The following DLG2 variants were observed in gnomAD, a reference collection of about 807,000 sequenced individuals.
The protein encoded by DLG2 is discs large MAGUK scaffold protein 2.
DLG2 carries 45 observed loss-of-function variants against 132.5 expected under a neutral mutation model. The observed-to-expected ratio is 0.34, with a 90% CI of 0.27 to 0.44. The LOEUF (loss-of-function observed/expected upper bound fraction) is 0.44, where lower values mean the gene tolerates loss of function less well. Ranked by LOEUF, DLG2 falls within the 20% of genes least tolerant of loss-of-function variation. The pLI is 1.00. For missense variants in DLG2, 1,045 were observed against 1,196.9 expected (o/e 0.87, Z 1.87); for synonymous variants, 424 against 419.6 (o/e 1.01, Z -0.13).
At chr11:85,422,593 T>A (rs1212087635) in intron 3 of DLG2, among the ~76,000 whole-genome samples, 2 of 152,024 alleles carry the variant, frequency 1.3e-5, no homozygotes, top group Non-Finnish European at 2.9e-5. Context: ...TTTTTTGAGA[T>A]GATTCTCTTG....
chr11:85,112,680 T>C (rs1404273160), intron 5 of DLG2, among the ~76,000 whole-genome samples: 2 of 152,182 alleles, frequency 1.3e-5, no homozygotes, highest in East Asian at 3.9e-4. Flanking sequence ...AGGAGTATTA[T>C]GCTCACTTTC....
intron 16 of DLG2, among the ~76,000 whole-genome samples, chr11:83,869,903 A>G (rs1377841269): frequency 6.6e-6 from 1 of 152,216 alleles, no homozygotes; most frequent in East Asian, 1.9e-4. Flanking sequence ...TTGTAAGGTA[A>G]CATAAAGTGC....
intron 9 of DLG2, among the ~76,000 whole-genome samples, chr11:84,140,467 C>A (rs937369003): frequency 2.6e-5 from 4 of 152,026 alleles, no homozygotes; most frequent in Non-Finnish European, 4.4e-5. Flanking sequence ...AATATAGATA[C>A]GTTTTTATGA....
At chr11:85,156,418 T>C (rs1252297147) in intron 4 of DLG2, among the ~76,000 whole-genome samples, 6 of 152,200 alleles carry the variant, frequency 3.9e-5, no homozygotes, top group Non-Finnish European at 7.3e-5. Context: ...AGTTGATACA[T>C]AGATAGATGA....
rs547915536 is a variant in DLG2, at chr11:83,792,241, G to C, written c.1723-5449C>G. ...ATAAGTTCCCTGGAAAGACTTCTTGGTGAAAGGGTATATGCATTACTTGTT... is the reference window on the plus strand; with the variant it reads ...ATAAGTTCCCTGGAAAGACTTCTTGCTGAAAGGGTATATGCATTACTTGTT... On this transcript the variant is annotated intron_variant, in intron 17 of 27. Coordinates refer to ENST00000376104, the MANE Select transcript of DLG2 (RefSeq NM_001142699.3). Among the ~76,000 whole-genome samples, 11 of 152,094 alleles carry C rather than the reference G, an allele frequency of 7.2e-5. No individual in the cohort carries two copies. In the East Asian group the frequency reaches 1.7e-3, roughly 24 times the overall value.
rs2079024053 is a variant in DLG2, at chr11:85,173,604, C to T, written c.187-18953G>A. On this transcript the variant is annotated intron_variant, in intron 4 of 27. Transcript: ENST00000376104. ...AAGTAACCAGCTAGCATCATGATAA[C>T]AGGATCAAATTCACACATAACAATA... Among the ~76,000 whole-genome samples the T allele has an allele frequency of 3.3e-5, 5 of 152,252 alleles. No individual in the cohort carries two copies. In the South Asian group the frequency reaches 1.0e-3, roughly 32 times the overall value.
intron 4 of DLG2, among the ~76,000 whole-genome samples, chr11:85,182,724 G>A (rs1384138367): frequency 6.6e-6 from 1 of 151,146 alleles, no homozygotes; most frequent in Non-Finnish European, 1.5e-5. Context: ...GGAGATAGAA[G>A]GGTAGGAAGC....
At chr11:84,640,292 T>C in intron 6 of DLG2, 1 of 336,262 alleles carries the variant, frequency 3.0e-6, no homozygotes. Flanking sequence ...TCCCTATCAA[T>C]GTCGTTATCT....
At position 84,197,836 on chromosome 11, in the gene DLG2, CCTAGAGTTT is replaced by C. The variant is rs1420151623; in HGVS notation, c.574-34334_574-34326del. 9.9e-5 allele frequency among the ~76,000 whole-genome samples: 15 copies of C among 152,172 alleles called. No homozygotes were observed. In the East Asian group the frequency reaches 2.7e-3, roughly 27 times the overall value. Reference sequence around the variant, plus strand: ...ATTCTGGTCACGTTTTATAGGTCAGCCTAGAGTTTCTCAGATATTTTCACTAAAATACTT... The same window carrying C: ...ATTCTGGTCACGTTTTATAGGTCAGCCTCAGATATTTTCACTAAAATACTT... On this transcript the variant is annotated intron_variant, in intron 8 of 27. Coordinates refer to ENST00000376104, the MANE Select transcript of DLG2 (RefSeq NM_001142699.3).
chr11:84,019,446 T>C (rs182037126), intron 11 of DLG2, among the ~76,000 whole-genome samples: 215 of 152,244 alleles, frequency 1.4e-3, no homozygotes, highest in Admixed American at 2.4e-3. Flanking sequence ...TAACAGATCA[T>C]GAATTTTGAA....
At chr11:85,431,961 C>G (rs1565484376) in intron 3 of DLG2, among the ~76,000 whole-genome samples, 2 of 152,206 alleles carry the variant, frequency 1.3e-5, no homozygotes, top group Admixed American at 6.5e-5. Context: ...GAGGAAGGAG[C>G]AGGCATCCAT....
intron 15 of DLG2, among the ~76,000 whole-genome samples, chr11:83,906,755 G>A (rs569709795): frequency 6.6e-6 from 1 of 152,106 alleles, no homozygotes; most frequent in South Asian, 2.1e-4. Context: ...CAAAGGTACT[G>A]GAAACCAACG....
At chr11:84,712,835 A>C (rs977818408) in intron 6 of DLG2, among the ~76,000 whole-genome samples, 22 of 152,132 alleles carry the variant, frequency 1.4e-4, no homozygotes, top group African/African-American at 5.3e-4. Flanking sequence ...CTTGATTTCC[A>C]AAACTTCTAG....
intron 19 of DLG2, among the ~76,000 whole-genome samples, chr11:83,588,268 A>G (rs1214430733): frequency 1.3e-5 from 2 of 150,618 alleles, no homozygotes; most frequent in East Asian, 3.9e-4. Context: ...TAGTTCTCCC[A>G]GCACGCAGCT....
intron 6 of DLG2, among the ~76,000 whole-genome samples, chr11:85,058,792 C>T (rs1451139219): frequency 6.6e-6 from 1 of 151,330 alleles, no homozygotes; most frequent in Non-Finnish European, 1.5e-5. Flanking sequence ...TTCTTATCAA[C>T]AAATAATTAA....
intron 3 of DLG2, among the ~76,000 whole-genome samples, chr11:85,561,545 A>T (rs1284163665): frequency 2.0e-5 from 3 of 151,628 alleles, no homozygotes; most frequent in Non-Finnish European, 4.4e-5. Context: ...ATTAGCACTT[A>T]AAAATCTGAA....
At chr11:85,310,058 C>T (rs2080216972) in intron 3 of DLG2, among the ~76,000 whole-genome samples, 1 of 152,136 alleles carries the variant, frequency 6.6e-6, no homozygotes, top group Non-Finnish European at 1.5e-5. Context: ...GCATTGGTAA[C>T]TGATAGGAAA....
intron 21 of DLG2, among the ~76,000 whole-genome samples, chr11:83,510,042 G>A (rs1156472251): frequency 6.6e-6 from 1 of 152,156 alleles, no homozygotes; most frequent in Non-Finnish European, 1.5e-5. Flanking sequence ...AAGATTCCTG[G>A]CCCTGGCCTG....
intron 3 of DLG2, among the ~76,000 whole-genome samples, chr11:85,568,618 A>G (rs1228514456): frequency 6.6e-6 from 1 of 152,076 alleles, no homozygotes; most frequent in Non-Finnish European, 1.5e-5. Flanking sequence ...CTATCCAAAT[A>G]TTTCCTTTTT....
Sources: gnomAD v4.1 joint callset for allele counts (sites outside exome capture counted in the v4.1 genomes callset) on GRCh38, gnomAD v4.1.1 for gene constraint, MANE v1.5 for transcripts, NCBI Gene and HGNC (gene_info 2026-07-23, HGNC 2026-07-21) for gene names.